The following TIRAP variants were observed in gnomAD, a reference collection of about 807,000 sequenced individuals.
TIRAP encodes toll/interleukin-1 receptor domain-containing adapter protein.
Under a neutral mutation model 19.8 loss-of-function variants are expected in TIRAP, and 20 were observed. The ratio of observed to expected loss-of-function variants is 1.01; its 90% confidence interval spans 0.71 to 1.47. TIRAP has a LOEUF of 1.47. Ranked by LOEUF, TIRAP falls within the 40% of genes most tolerant of loss-of-function variation. The pLI is 0.00. For synonymous variants in TIRAP, 125 were observed against 121.7 expected, an observed-to-expected ratio of 1.03 and a Z score of -0.18; for missense variants, 276 against 285.1, an observed-to-expected ratio of 0.97 and a Z score of 0.23.
At position 126,290,967 on chromosome 11, in the gene TIRAP, T is replaced by A; in HGVS notation, c.67+6T>A. Reference sequence around the variant, plus strand: ...GCCTCTAGGCAAGATGGCTGGTGAGTGGAACCGGACTCGCGACTCTGCTGT... The same window carrying A: ...GCCTCTAGGCAAGATGGCTGGTGAGAGGAACCGGACTCGCGACTCTGCTGT... On this transcript the variant is annotated splice_donor_region_variant and intron_variant, in intron 3 of 4. Transcript: ENST00000392679. This position sits in a 1 kb window ranked among gnomAD's most constrained non-coding sequence, Gnocchi z 4.9. 1 of 1,602,344 alleles carries A rather than the reference T, an allele frequency of 6.2e-7. No individual in the cohort carries two copies. The highest frequency in any genetic ancestry group is 8.5e-7 in the Non-Finnish European group (1 of 1,173,758).
At position 126,291,188 on chromosome 11, in the gene TIRAP, G is replaced by C. The variant is rs1375050289; in HGVS notation, c.67+227G>C. 1.6e-6 allele frequency: 1 copy of C among 642,280 alleles called. No individual in the cohort carries two copies. The highest frequency in any genetic ancestry group is 2.9e-5 in the East Asian group (1 of 34,428). 39.8% of individuals were successfully genotyped at this position (642,280 alleles called of 1,614,324 possible). ...ATCCTTTTGGCTCAAAGGTTTTCCAGGCCTGCTCAGCTAGCTTTCCTAGCC... is the reference window on the plus strand; with the variant it reads ...ATCCTTTTGGCTCAAAGGTTTTCCACGCCTGCTCAGCTAGCTTTCCTAGCC... On this transcript the variant is annotated intron_variant, in intron 3 of 4. Coordinates refer to ENST00000392679, the MANE Select transcript of TIRAP (RefSeq NM_001318777.2). The surrounding 1 kb of genome is among the most constrained non-coding windows in gnomAD (Gnocchi z 5.6).
At chr11:126,292,393 C>A in intron 3 of TIRAP, 84 bp from the exon 4 acceptor site, 2 of 1,480,102 alleles carry the variant, frequency 1.4e-6, no homozygotes, top group Non-Finnish European at 1.8e-6. Flanking sequence ...GTCTGTCCTC[C>A]CTGTGAGGTG....
At chr11:126,286,307 G>T (rs1286500318) in intron 1 of TIRAP, among the ~76,000 whole-genome samples, 1 of 152,118 alleles carries the variant, frequency 6.6e-6, no homozygotes, top group Non-Finnish European at 1.5e-5. Flanking sequence ...AGAGGTTGCA[G>T]TGAGCTGAGA....
Position 126,292,436 on chromosome 11 carries a change from C to T in TIRAP, c.68-41C>T, listed in dbSNP as rs202228775. On this transcript the variant is annotated intron_variant, in intron 3 of 4. Transcript: ENST00000392679. ...TCCCTGTGTGGGCAGTGAGAGGGCACCTGGTAACACACAGGCCTGAGCAGT... is the reference window on the plus strand; with the variant it reads ...TCCCTGTGTGGGCAGTGAGAGGGCATCTGGTAACACACAGGCCTGAGCAGT... 6.5e-5 allele frequency: 105 copies of T among 1,604,292 alleles called. No individual in the cohort carries two copies. The African/African-American group carries it at 1.2e-3, about 18-fold the overall frequency.
At chr11:126,286,740 G>A (rs1951326694) in intron 1 of TIRAP, among the ~76,000 whole-genome samples, 1 of 152,138 alleles carries the variant, frequency 6.6e-6, no homozygotes, top group Non-Finnish European at 1.5e-5. Flanking sequence ...TCCATTCATT[G>A]GCCTGATCTA....
chr11:126,287,390 G>A lies in TIRAP; in HGVS notation c.-216-3072G>A, dbSNP rs773811963. Among the ~76,000 whole-genome samples the A allele has an allele frequency of 7.3e-5, 11 of 151,438 alleles. No individual in the cohort carries two copies. Among genetic ancestry groups the A allele is most frequent in the African/African-American group, 1.2e-4 (5 of 41,136 alleles). On this transcript the variant is annotated intron_variant, in intron 1 of 4. Transcript: ENST00000392679. The surrounding 1 kb of genome is among the most constrained non-coding windows in gnomAD (Gnocchi z 4.2). ...GGCTGGAGTGCAGTGGCATGATCTC[G>A]GCTCACTGCAACCTCCACCTCCCGG...
chr11:126,286,634 G>A (rs1011887651), intron 1 of TIRAP, among the ~76,000 whole-genome samples: 3 of 152,136 alleles, frequency 2.0e-5, no homozygotes, highest in African/African-American at 7.2e-5. Context: ...AAGTATAGAT[G>A]GTAATTTATT....
In TIRAP at chr11:126,292,893, C is replaced by T; in HGVS notation, c.484C>T (p.Leu162=). The part of the protein sequence containing the change: ...LQDPWCKYQM[L]QALTEAPGAE... ...GGACCCCTGGTGCAAGTACCAGATG[C>T]TGCAGGCCCTGACCGAGGCTCCAGG... Residue 162 remains leucine (L), a synonymous_variant, in exon 4 of 5, where the codon CTG becomes TTG. Coordinates refer to ENST00000392679, the MANE Select transcript of TIRAP (RefSeq NM_001318777.2). The T allele has an allele frequency of 1.2e-6, 2 of 1,613,636 alleles. No homozygotes were observed. Among genetic ancestry groups the T allele is most frequent in the Non-Finnish European group, 1.7e-6 (2 of 1,179,952 alleles).
chr11:126,289,254 T>C (rs568284829), intron 1 of TIRAP, among the ~76,000 whole-genome samples: 31 of 152,346 alleles, frequency 2.0e-4, no homozygotes, highest in African/African-American at 6.5e-4. Flanking sequence ...GAACAAAGCA[T>C]TAATGTGCAG....
rs768526790 is a variant in TIRAP, at chr11:126,291,490, C to T, written c.67+529C>T. On this transcript the variant is annotated intron_variant, in intron 3 of 4. Transcript: ENST00000392679. The surrounding 1 kb of genome is among the most constrained non-coding windows in gnomAD (Gnocchi z 5.6). ...GCCCGGCTCCCTGACATACCTGACACTGCATTATCTCAGTTAACTTTCAGC... is the reference window on the plus strand; with the variant it reads ...GCCCGGCTCCCTGACATACCTGACATTGCATTATCTCAGTTAACTTTCAGC... The T allele has an allele frequency of 1.8e-6, 2 of 1,111,990 alleles. No homozygotes were observed. The highest frequency in any genetic ancestry group is 1.3e-5 in the South Asian group (1 of 78,318). The allele number at this position is 1,111,990 out of a possible 1,614,324, so 68.9% of individuals were successfully genotyped here. A position where few individuals can be genotyped will look rare whatever the true frequency, so the allele number is the denominator to read the frequency against.
chr11:126,293,647 G>A (rs112423831), intron 4 of TIRAP, 21 bp from the exon 5 acceptor site: 23 of 1,613,688 alleles, frequency 1.4e-5, no homozygotes, highest in South Asian at 1.3e-4. Flanking sequence ...GTGTGACAAC[G>A]CTGTGATTGG....
Position 126,293,965 on chromosome 11 carries a change from G to A in TIRAP, c.*278G>A, listed in dbSNP as rs1951441391. The A allele has an allele frequency of 1.2e-5, 6 of 504,818 alleles. No individual in the cohort carries two copies. Among genetic ancestry groups the A allele is most frequent in the Non-Finnish European group, 2.2e-5 (6 of 277,764 alleles). The allele number at this position is 504,818 out of a possible 1,614,324, so 31.3% of individuals were successfully genotyped here. A position where few individuals can be genotyped will look rare whatever the true frequency, so the allele number is the denominator to read the frequency against. ...GCTGGGGACTCCCCAAGAAGGCCAT[G>A]AGGAAGCCAGAAATTGGAGGTGGTA... On this transcript the variant is annotated 3_prime_UTR_variant, in exon 5 of 5. Transcript: ENST00000392679.
Position 126,292,889 on chromosome 11 carries a change from G to A in TIRAP, c.480G>A (p.Gln160=), listed in dbSNP as rs779284482. ...TTCAGGACCCCTGGTGCAAGTACCA[G>A]ATGCTGCAGGCCCTGACCGAGGCTC... ...GFLQDPWCKY[Q]MLQALTEAPG... is the part of the protein sequence containing the mutation. Residue 160 remains glutamine (Q), a synonymous_variant, in exon 4 of 5, where the codon CAG becomes CAA. Transcript: ENST00000392679. 26 of 1,613,584 alleles carry A rather than the reference G, an allele frequency of 1.6e-5. No homozygotes were observed. The highest frequency in any genetic ancestry group is 2.1e-5 in the Non-Finnish European group (25 of 1,179,978).
Position 126,291,085 on chromosome 11 carries a change from C to T in TIRAP, c.67+124C>T. 1 of 1,208,346 alleles carries T rather than the reference C, an allele frequency of 8.3e-7. No individual in the cohort carries two copies. Among genetic ancestry groups the T allele is most frequent in the Non-Finnish European group, 1.1e-6 (1 of 876,320 alleles). 74.9% of individuals were successfully genotyped at this position (1,208,346 alleles called of 1,614,324 possible). A position where few individuals can be genotyped will look rare whatever the true frequency, so the allele number is the denominator to read the frequency against. ...GACGCAGGAAGGCTGACGTGGGGAACTCCTGACCTGAATTCAGGGCCTGGA... is the reference window on the plus strand; with the variant it reads ...GACGCAGGAAGGCTGACGTGGGGAATTCCTGACCTGAATTCAGGGCCTGGA... On this transcript the variant is annotated intron_variant, in intron 3 of 4. Coordinates refer to ENST00000392679, the MANE Select transcript of TIRAP (RefSeq NM_001318777.2). This position sits in a 1 kb window ranked among gnomAD's most constrained non-coding sequence, Gnocchi z 5.6.
Position 126,291,137 on chromosome 11 carries a change from G to GGAGA in TIRAP, c.67+176_67+177insGAGA. The GGAGA allele has an allele frequency of 1.3e-6, 1 of 768,356 alleles. No homozygotes were observed. Among genetic ancestry groups the GGAGA allele is most frequent in the Non-Finnish European group, 2.0e-6 (1 of 489,336 alleles). The allele number at this position is 768,356 out of a possible 1,614,324, so 47.6% of individuals were successfully genotyped here. The stretch of plus-strand genomic sequence containing the variant: ...GCTTTGTGGAGAGTGAGGAGGGGAG[G>GGAGA]CCTGCGTCAGCTCAGCCAGATCTTT... On this transcript the variant is annotated intron_variant, in intron 3 of 4. Transcript: ENST00000392679. The surrounding 1 kb of genome is among the most constrained non-coding windows in gnomAD (Gnocchi z 5.6).
rs8177377 is a variant in TIRAP, at chr11:126,293,795, C to A, written c.*108C>A. ...GTGACAAGAGGTATAGGGAGTGAGT[C>A]ACAGCGCTTTGCTCGTGACCCTGGG... is the stretch of plus-strand genomic sequence containing the variant. On this transcript the variant is annotated 3_prime_UTR_variant, in exon 5 of 5. Transcript: ENST00000392679. The A allele has an allele frequency of 1.4e-5, 18 of 1,321,328 alleles. No individual in the cohort carries two copies. In the African/African-American group the frequency reaches 2.0e-4, roughly 15 times the overall value. 81.9% of individuals were successfully genotyped at this position (1,321,328 alleles called of 1,614,324 possible). A position where few individuals can be genotyped will look rare whatever the true frequency, so the allele number is the denominator to read the frequency against.
In TIRAP at chr11:126,294,775, T is replaced by C. The variant is rs1951453321; in HGVS notation, c.*1088T>C. ...TTATTATTTTTTCTATCTCTAGTTCTAGAAAGAGAAAATTTATTTTTTAAA... is the reference window on the plus strand; with the variant it reads ...TTATTATTTTTTCTATCTCTAGTTCCAGAAAGAGAAAATTTATTTTTTAAA... On this transcript the variant is annotated 3_prime_UTR_variant, in exon 5 of 5. Coordinates refer to ENST00000392679, the MANE Select transcript of TIRAP (RefSeq NM_001318777.2). The C allele has an allele frequency of 3.3e-6, 1 of 302,232 alleles. No individual in the cohort carries two copies. The highest frequency in any genetic ancestry group is 2.8e-5 in the South Asian group (1 of 35,674). 18.7% of individuals were successfully genotyped at this position (302,232 alleles called of 1,614,324 possible).
intron 1 of TIRAP, among the ~76,000 whole-genome samples, chr11:126,284,726 T>A (rs745406171): frequency 1.3e-5 from 2 of 151,600 alleles, no homozygotes; most frequent in Non-Finnish European, 2.9e-5. Context: ...TGATGGCGGG[T>A]GTCGGTAGTC....
chr11:126,293,628 GT>G (rs1345600223), intron 4 of TIRAP, 39 bp from the exon 5 acceptor site: 1 of 1,612,080 alleles, frequency 6.2e-7, no homozygotes, highest in East Asian at 2.2e-5. Context: ...CAGATGCTGG[GT>G]TTGGGAGGTG....
Sources: gnomAD v4.1 joint callset for allele counts (sites outside exome capture counted in the v4.1 genomes callset) on GRCh38, gnomAD v4.1.1 for gene constraint, Gnocchi (gnomAD v3.1) non-coding constraint, MANE v1.5 for transcripts, NCBI Gene and HGNC (gene_info 2026-07-23, HGNC 2026-07-21) for gene names.